The following DPY19L4 variants were observed in gnomAD, a reference collection of about 807,000 sequenced individuals.
The protein encoded by DPY19L4 is dpy-19 like 4, also known as probable C-mannosyltransferase DPY19L4.
Under a neutral mutation model 102.8 loss-of-function variants are expected in DPY19L4, and 97 were observed. That is an observed-to-expected ratio of 0.94 (90% CI 0.80 to 1.12). The LOEUF (loss-of-function observed/expected upper bound fraction) is 1.12, where lower values mean the gene tolerates loss of function less well. Ranked by LOEUF, DPY19L4 falls within the 50% of genes most tolerant of loss-of-function variation. The pLI, the probability that DPY19L4 is intolerant of heterozygous loss-of-function variation, is 0.00. For synonymous variants in DPY19L4, 252 were observed against 283.1 expected (o/e 0.89, Z 1.10); for missense variants, 815 against 850.4 (o/e 0.96, Z 0.52).
rs775885413 is a variant in DPY19L4, at chr8:94,789,772, A to C, written c.2034A>C (p.Leu678=). The C allele has an allele frequency of 6.2e-7, 1 of 1,609,132 alleles. No homozygotes were observed. The highest frequency in any genetic ancestry group is 1.1e-5 in the South Asian group (1 of 89,648). ...TGGTTTGTGAAGAAGGTGACAAGCT[A>C]ACCTACTCAAAATATGGGCGATTTT... ...GHMVCEEGDK[L]TYSKYGRFCH... is the part of the protein sequence containing the mutation. The change falls in exon 19 of 19, where the codon CTA becomes CTC. Residue 678 remains leucine, a synonymous_variant. Transcript: ENST00000414645.
In DPY19L4 at chr8:94,789,993, G is replaced by C. The variant is rs1297939832; in HGVS notation, c.*83G>C. 4.5e-6 allele frequency: 6 copies of C among 1,331,636 alleles called. No homozygotes were observed. The highest frequency in any genetic ancestry group is 6.2e-6 in the Non-Finnish European group (6 of 966,398). The allele number at this position is 1,331,636 out of a possible 1,614,324, so 82.5% of individuals were successfully genotyped here. On this transcript the variant is annotated 3_prime_UTR_variant, in exon 19 of 19. Transcript: ENST00000414645. ...CCTACTCGGTGTCTTTTGCAGATCA[G>C]AGTATGGACATTTGAAATATTGCTG... is the stretch of plus-strand genomic sequence containing the variant.
chr8:94,722,038 G>A (rs1342130980), intron 1 of DPY19L4, among the ~76,000 whole-genome samples: 1 of 152,158 alleles, frequency 6.6e-6, no homozygotes, highest in Non-Finnish European at 1.5e-5. Context: ...GAACCCGGGA[G>A]GCGGAGGTTG....
chr8:94,793,580 C>T lies in DPY19L4; in HGVS notation c.*3670C>T, dbSNP rs554112238. 2.4e-4 allele frequency: 36 copies of T among 152,250 alleles called. No homozygotes were observed. Among genetic ancestry groups the T allele is most frequent in the Admixed American group, 1.6e-3 (24 of 15,294 alleles). The allele number at this position is 152,250 out of a possible 1,614,324, so 9.4% of individuals were successfully genotyped here. A position where few individuals can be genotyped will look rare whatever the true frequency, so the allele number is the denominator to read the frequency against. ...TTGCCCAATTTAAAAAATACGTAGT[C>T]TCTATTGTTGCTGTTTACTAATAGT... On this transcript the variant is annotated 3_prime_UTR_variant, in exon 19 of 19. Transcript: ENST00000414645.
intron 13 of DPY19L4, among the ~76,000 whole-genome samples, chr8:94,773,775 C>A (rs896195962): frequency 1.3e-5 from 2 of 150,734 alleles, no homozygotes; most frequent in African/African-American, 4.9e-5. Flanking sequence ...GCGGCTTACG[C>A]CTATAATCCC....
chr8:94,763,252 ATCTT>A (rs1812474805), intron 8 of DPY19L4, among the ~76,000 whole-genome samples: 1 of 101,020 alleles, frequency 9.9e-6, no homozygotes, highest in African/African-American at 4.2e-5. Flanking sequence ...TGGCCAAGGT[ATCTT>A]TTTTTTTTTT....
chr8:94,744,666 C>A (rs1811594053), intron 6 of DPY19L4: 1 of 429,762 alleles, frequency 2.3e-6, no homozygotes, highest in Non-Finnish European at 4.6e-6. Context: ...CTCATGTAAA[C>A]ATAATGGTTT....
chr8:94,760,632 G>C (rs1812357522), intron 7 of DPY19L4, among the ~76,000 whole-genome samples: 1 of 152,216 alleles, frequency 6.6e-6, no homozygotes, highest in Admixed American at 6.5e-5. Context: ...TAGTTTCAGA[G>C]AGCACAGTTC....
rs758703380 is a variant in DPY19L4 at position 94,719,913 on chromosome 8, C to G, written c.-86C>G. 1,436 of 1,405,404 alleles carry G rather than the reference C, an allele frequency of 1.0e-3. No homozygotes were observed. The highest frequency in any genetic ancestry group is 1.3e-3 in the Non-Finnish European group (1,398 of 1,071,016). 87.1% of individuals were successfully genotyped at this position (1,405,404 alleles called of 1,614,324 possible). On this transcript the variant is annotated 5_prime_UTR_variant, in exon 1 of 19. Transcript: ENST00000414645. ...GGCGCGGCGGCCAGGAGCGGGCCCCCGGAGGCCGAGGGGTTCGGCGACGCG... is the reference window on the plus strand; with the variant it reads ...GGCGCGGCGGCCAGGAGCGGGCCCCGGGAGGCCGAGGGGTTCGGCGACGCG...
At chr8:94,773,630 A>T (rs1813031562) in intron 13 of DPY19L4, among the ~76,000 whole-genome samples, 1 of 151,852 alleles carries the variant, frequency 6.6e-6, no homozygotes. Flanking sequence ...GGGTTTCTTC[A>T]TGTTGGTCAG....
intron 3 of DPY19L4, among the ~76,000 whole-genome samples, chr8:94,735,957 C>A (rs1221186605): frequency 6.6e-6 from 1 of 152,162 alleles, no homozygotes; most frequent in East Asian, 1.9e-4. Context: ...TTCATTCAGG[C>A]TGCTATAACA....
chr8:94,760,998 G>C (rs189895747), intron 7 of DPY19L4, among the ~76,000 whole-genome samples: 333 of 152,228 alleles, frequency 2.2e-3, no homozygotes, highest in African/African-American at 7.3e-3. Context: ...GACAGGAAAT[G>C]AAAAAAGCAA....
rs7009382 is a variant in DPY19L4 at position 94,780,987 on chromosome 8, T to C, written c.1633-97T>C. 1,026 of 984,746 alleles carry C rather than the reference T, an allele frequency of 1.0e-3. 7 individuals are homozygous for C. In the African/African-American group the frequency reaches 0.016, roughly 15 times the overall value. The allele number at this position is 984,746 out of a possible 1,614,324, so 61.0% of individuals were successfully genotyped here. A position where few individuals can be genotyped will look rare whatever the true frequency, so the allele number is the denominator to read the frequency against. ...TGTAATATCATTTGCCTTAAGTTAG[T>C]CTGTTAGTCTTTTGAAATACTGTGG... On this transcript the variant is annotated intron_variant, in intron 15 of 18. Coordinates refer to ENST00000414645, the MANE Select transcript of DPY19L4 (RefSeq NM_181787.3).
In DPY19L4 at chr8:94,729,460, G is replaced by A. The variant is rs368359806; in HGVS notation, c.127+3019G>A. Among the ~76,000 whole-genome samples the A allele has an allele frequency of 1.3e-4, 19 of 150,418 alleles. No homozygotes were observed. In the East Asian group the frequency reaches 3.7e-3, roughly 29 times the overall value. On this transcript the variant is annotated intron_variant, in intron 2 of 18. Transcript: ENST00000414645. ...TCAGAAAAAAAAAAATCAGCCAAGTGTGGTGGTGTGCCCCTGTAGTCCCAG... is the reference window on the plus strand; with the variant it reads ...TCAGAAAAAAAAAAATCAGCCAAGTATGGTGGTGTGCCCCTGTAGTCCCAG...
chr8:94,773,464 C>T (rs189500619), intron 13 of DPY19L4, among the ~76,000 whole-genome samples: 1 of 152,050 alleles, frequency 6.6e-6, no homozygotes, highest in East Asian at 1.9e-4. Context: ...GAAACAGAGT[C>T]TTTGTCGCCC....
intron 7 of DPY19L4, among the ~76,000 whole-genome samples, chr8:94,760,582 G>A (rs953603285): frequency 6.6e-6 from 1 of 152,162 alleles, no homozygotes; most frequent in African/African-American, 2.4e-5. Context: ...TCTGACTCTG[G>A]AATTTATCCT....
rs950216444 is a variant in DPY19L4 at position 94,739,292 on chromosome 8, G to T, written c.344-121G>T. 47 of 1,214,022 alleles carry T rather than the reference G, an allele frequency of 3.9e-5. No homozygotes were observed. The African/African-American group carries it at 6.9e-4, about 18-fold the overall frequency. The allele number at this position is 1,214,022 out of a possible 1,614,324, so 75.2% of individuals were successfully genotyped here. On this transcript the variant is annotated intron_variant, in intron 4 of 18. Coordinates refer to ENST00000414645, the MANE Select transcript of DPY19L4 (RefSeq NM_181787.3). ...AAATTTTTAAAAAATGGAAAATGCA[G>T]CATGGAGTATTCTATTTGGGATCTT...
At chr8:94,742,683 C>T (rs939563441) in intron 6 of DPY19L4, among the ~76,000 whole-genome samples, 36 of 151,604 alleles carry the variant, frequency 2.4e-4, no homozygotes, top group African/African-American at 6.5e-4. Flanking sequence ...CTCAGCCTCC[C>T]GAGTAGCTGG....
chr8:94,726,581 A>C (rs899154743), intron 2 of DPY19L4, 140 bp downstream of exon 2: 8 of 604,518 alleles, frequency 1.3e-5, no homozygotes, highest in South Asian at 3.0e-5. Context: ...ACAACCCCCA[A>C]ATCTCACTGG....
chr8:94,787,146 G>A (rs962015836), intron 17 of DPY19L4, among the ~76,000 whole-genome samples: 2 of 152,108 alleles, frequency 1.3e-5, no homozygotes, highest in Non-Finnish European at 2.9e-5. Flanking sequence ...AAACTGTGCT[G>A]TAGGCTATCA....
Sources: gnomAD v4.1 joint callset for allele counts (sites outside exome capture counted in the v4.1 genomes callset) on GRCh38, gnomAD v4.1.1 for gene constraint, MANE v1.5 for transcripts, NCBI Gene and HGNC (gene_info 2026-07-23, HGNC 2026-07-21) for gene names.